The following SGCD variants were observed in gnomAD, a reference collection of about 807,000 sequenced individuals.
SGCD encodes delta-sarcoglycan.
A neutral mutation model predicts 36.6 loss-of-function variants in SGCD; 18 were observed. That is an observed-to-expected ratio of 0.49 (90% CI 0.34 to 0.73). SGCD has a LOEUF of 0.73. Among genes scored for constraint, SGCD ranks in the 30% least tolerant of loss-of-function variants. The pLI, the probability that SGCD is intolerant of heterozygous loss-of-function variation, is 0.01. For synonymous variants in SGCD, 133 were observed against 130.6 expected, an observed-to-expected ratio of 1.02 and a Z score of -0.12; for missense variants, 387 against 346.7, an observed-to-expected ratio of 1.12 and a Z score of -0.92.
intron 3 of SGCD, among the ~76,000 whole-genome samples, chr5:156,181,481 G>T (rs1763605357): frequency 6.6e-6 from 1 of 152,090 alleles, no homozygotes; most frequent in Admixed American, 6.5e-5. Flanking sequence ...TAAGGAGAAG[G>T]GGACAATTAC....
At chr5:156,108,941 T>C (rs778975856) in intron 1 of SGCD, among the ~76,000 whole-genome samples, 5 of 152,170 alleles carry the variant, frequency 3.3e-5, no homozygotes, top group Non-Finnish European at 7.4e-5. Flanking sequence ...GTATTATTTA[T>C]TTGTCTCCAA....
chr5:155,898,019 A>G (rs13358188), intron 1 of SGCD, among the ~76,000 whole-genome samples: 7,288 of 152,310 alleles, frequency 0.048, 511 homozygotes, highest in African/African-American at 0.15. Context: ...GAATGAGTAT[A>G]TGAATGAATA....
At chr5:155,824,901 C>T in the SGCD span, among the ~76,000 whole-genome samples, 3 of 152,312 alleles carry the variant, frequency 2.0e-5, no homozygotes, top group East Asian at 3.9e-4. Context: ...AGGACAATGA[C>T]TTCTCTCTAC....
chr5:156,277,292 C>T (rs1053279387), intron 3 of SGCD, among the ~76,000 whole-genome samples: 2 of 152,172 alleles, frequency 1.3e-5, no homozygotes, highest in African/African-American at 4.8e-5. Flanking sequence ...TCCCTCTCTC[C>T]CTGCTATTAT....
At chr5:156,629,575 G>C (rs1402929292) in intron 6 of SGCD, among the ~76,000 whole-genome samples, 4 of 152,170 alleles carry the variant, frequency 2.6e-5, no homozygotes, top group African/African-American at 4.8e-5. Flanking sequence ...TGATAAGGTA[G>C]AACAGCTAAG....
At chr5:156,497,046 C>T (rs999126736) in intron 3 of SGCD, among the ~76,000 whole-genome samples, 4 of 152,216 alleles carry the variant, frequency 2.6e-5, no homozygotes, top group Non-Finnish European at 5.9e-5. Flanking sequence ...AGAGCATGAG[C>T]CTTAGAAAGC....
At chr5:156,073,598 A>C (rs1760663457) in intron 1 of SGCD, among the ~76,000 whole-genome samples, 1 of 152,172 alleles carries the variant, frequency 6.6e-6, no homozygotes, top group South Asian at 2.1e-4. Context: ...CTATCTCATA[A>C]GATCTCTATT....
intron 3 of SGCD, among the ~76,000 whole-genome samples, chr5:156,244,240 G>A (rs73302614): frequency 6.6e-6 from 1 of 152,230 alleles, no homozygotes; most frequent in African/African-American, 2.4e-5. Context: ...GTCTTCAAAA[G>A]TGTCAAGACC....
the SGCD span, among the ~76,000 whole-genome samples, chr5:155,796,368 C>T: frequency 9.2e-5 from 14 of 152,046 alleles, no homozygotes; most frequent in African/African-American, 3.1e-4. Context: ...TCAAAGAAGA[C>T]ATCACATTGG....
intron 2 of SGCD, among the ~76,000 whole-genome samples, chr5:156,330,016 C>CAAAA (rs758475764): frequency 0.012 from 712 of 57,450 alleles, 20 homozygotes; most frequent in Non-Finnish European, 0.015. Context: ...GATTCAGTCT[C>CAAAA]AAAAAAAAAA....
At chr5:155,835,404 G>A in the SGCD span, among the ~76,000 whole-genome samples, 1 of 152,148 alleles carries the variant, frequency 6.6e-6, no homozygotes, top group African/African-American at 2.4e-5. Context: ...AAATGGTGTG[G>A]AAAGTGAGCT....
chr5:155,923,490 A>G (rs1199390406), intron 1 of SGCD, among the ~76,000 whole-genome samples: 1 of 152,176 alleles, frequency 6.6e-6, no homozygotes, highest in Non-Finnish European at 1.5e-5. Context: ...GGCAAAGATG[A>G]ACGTTCATAG....
At chr5:156,289,898 A>G (rs1380677043) in intron 3 of SGCD, among the ~76,000 whole-genome samples, 1 of 152,040 alleles carries the variant, frequency 6.6e-6, no homozygotes, top group Non-Finnish European at 1.5e-5. Flanking sequence ...GAATTTCCCC[A>G]TCTTTATATA....
chr5:155,780,874 T>C, the SGCD span, among the ~76,000 whole-genome samples: 3 of 152,262 alleles, frequency 2.0e-5, no homozygotes, highest in East Asian at 5.8e-4. Flanking sequence ...ATATAGCGAG[T>C]CTGACATTAT....
At chr5:155,770,841 T>C in the SGCD span, among the ~76,000 whole-genome samples, 1 of 152,144 alleles carries the variant, frequency 6.6e-6, no homozygotes, top group Non-Finnish European at 1.5e-5. Context: ...CATAAAAAGG[T>C]AACTTTCTTA....
At chr5:156,262,925 A>T (rs1012276943) in intron 3 of SGCD, among the ~76,000 whole-genome samples, 1 of 148,522 alleles carries the variant, frequency 6.7e-6, no homozygotes, top group Non-Finnish European at 1.5e-5. Context: ...GTGTGTGTGT[A>T]TACATATATA....
chr5:156,540,268 C>A (rs141891840), intron 4 of SGCD, among the ~76,000 whole-genome samples: 1 of 152,090 alleles, frequency 6.6e-6, no homozygotes, highest in African/African-American at 2.4e-5. Context: ...AGCTCCCCTA[C>A]GTACCAAAGT....
At chr5:156,043,836 C>T (rs1355734206) in intron 1 of SGCD, among the ~76,000 whole-genome samples, 3 of 152,156 alleles carry the variant, frequency 2.0e-5, no homozygotes, top group Non-Finnish European at 2.9e-5. Flanking sequence ...ACTGTACTCT[C>T]ACAGTTTTGT....
rs33983852 is a variant in SGCD, at chr5:156,122,843, T to TAAAAAAA, written c.-207-978_-207-972dup. 2.8e-3 allele frequency among the ~76,000 whole-genome samples: 152 copies of TAAAAAAA among 54,156 alleles called. 34 individuals carry two copies. Among genetic ancestry groups the TAAAAAAA allele is most frequent in the Non-Finnish European group, 3.7e-3 (115 of 31,236 alleles). 35.5% of individuals were successfully genotyped at this position (54,156 alleles called of 152,430 possible). A position where few individuals can be genotyped will look rare whatever the true frequency, so the allele number is the denominator to read the frequency against. ...ACCAGCATGGTAGTAAAAGATGTGG[T>TAAAAAAA]AAAAAAAAAAAAAAAAAAAAAAAAA... On this transcript the variant is annotated intron_variant, in intron 2 of 9. Coordinates refer to the SGCD transcript ENST00000517913.
Sources: allele counts gnomAD v4.1 joint callset (sites outside exome capture counted in the v4.1 genomes callset), GRCh38; gene constraint gnomAD v4.1.1; transcripts MANE v1.5; gene names NCBI Gene and HGNC (gene_info 2026-07-23, HGNC 2026-07-21).